The following SNTG1 variants were observed in gnomAD, a reference collection of about 807,000 sequenced individuals.
SNTG1 encodes gamma-1-syntrophin.
A neutral mutation model predicts 74.7 loss-of-function variants in SNTG1; 39 were observed. The ratio of observed to expected loss-of-function variants is 0.52; its 90% confidence interval spans 0.40 to 0.68. SNTG1 has a LOEUF of 0.68. Ranked by LOEUF, SNTG1 falls within the 30% of genes least tolerant of loss-of-function variation. SNTG1 has a pLI of 0.00. For missense variants in SNTG1, 685 were observed against 609.5 expected (o/e 1.12, Z -1.30); for synonymous variants, 254 against 217.1 (o/e 1.17, Z -1.49).
intron 9 of SNTG1, among the ~76,000 whole-genome samples, chr8:50,516,705 A>T (rs200132364): frequency 6.6e-6 from 1 of 152,210 alleles, no homozygotes; most frequent in Non-Finnish European, 1.5e-5. Context: ...GAGATTGAAG[A>T]TTAACTTAAT....
intron 1 of SNTG1, among the ~76,000 whole-genome samples, chr8:49,933,645 A>G (rs1190017737): frequency 6.6e-6 from 1 of 152,212 alleles, no homozygotes; most frequent in African/African-American, 2.4e-5. Context: ...ATTATTGGAA[A>G]TCAATTTGCT....
At chr8:50,777,050 T>C (rs2095642844) in intron 18 of SNTG1, among the ~76,000 whole-genome samples, 1 of 151,752 alleles carries the variant, frequency 6.6e-6, no homozygotes. Context: ...ATGATGTGTC[T>C]TGGCAAGGAT....
At chr8:50,422,044 C>G (rs958967764) in intron 4 of SNTG1, among the ~76,000 whole-genome samples, 2 of 152,268 alleles carry the variant, frequency 1.3e-5, no homozygotes, top group East Asian at 1.9e-4. Context: ...ATGTCACACA[C>G]TCAATCTCTC....
intron 2 of SNTG1, among the ~76,000 whole-genome samples, chr8:50,265,728 C>T (rs761845782): frequency 5.3e-5 from 8 of 151,522 alleles, no homozygotes; most frequent in Non-Finnish European, 7.4e-5. Flanking sequence ...ATCCTAGGAT[C>T]TACAAAAATT....
chr8:50,215,572 A>T (rs1013762661), intron 2 of SNTG1, among the ~76,000 whole-genome samples: 3 of 150,990 alleles, frequency 2.0e-5, no homozygotes, highest in Admixed American at 6.6e-5. Context: ...AAGTGACAAT[A>T]ATAAGGATCA....
At chr8:50,128,660 T>A (rs2081220661) in intron 1 of SNTG1, among the ~76,000 whole-genome samples, 1 of 152,076 alleles carries the variant, frequency 6.6e-6, no homozygotes, top group Non-Finnish European at 1.5e-5. Flanking sequence ...TTCTCCCACT[T>A]TAGAATAAAA....
intron 12 of SNTG1, among the ~76,000 whole-genome samples, chr8:50,576,859 AG>A (rs1272743820): frequency 6.6e-6 from 1 of 152,118 alleles, no homozygotes; most frequent in Admixed American, 6.5e-5. Context: ...TTTTGGATAA[AG>A]CTTTAGAATT....
At chr8:49,917,115 A>G (rs1480366589) in intron 1 of SNTG1, among the ~76,000 whole-genome samples, 1 of 152,148 alleles carries the variant, frequency 6.6e-6, no homozygotes, top group Non-Finnish European at 1.5e-5. Flanking sequence ...CATAGATGAG[A>G]AAAGAGTATT....
At chr8:50,383,084 C>A (rs910754775) in intron 2 of SNTG1, among the ~76,000 whole-genome samples, 1 of 152,170 alleles carries the variant, frequency 6.6e-6, no homozygotes, top group Non-Finnish European at 1.5e-5. Flanking sequence ...TAGATTAATG[C>A]GCAATTAAAT....
intron 8 of SNTG1, among the ~76,000 whole-genome samples, chr8:50,465,312 T>C (rs2093600418): frequency 6.6e-6 from 1 of 152,294 alleles, no homozygotes; most frequent in South Asian, 2.1e-4. Flanking sequence ...TTTTATCAGG[T>C]AGAGTAGAAG....
intron 9 of SNTG1, among the ~76,000 whole-genome samples, chr8:50,508,138 A>C (rs1044165867): frequency 6.6e-6 from 1 of 152,118 alleles, no homozygotes; most frequent in Non-Finnish European, 1.5e-5. Flanking sequence ...CTCACTGTTC[A>C]GTTCCTACCT....
At chr8:50,498,304 GAAGATTTATAGTGGT>G (rs1478673799) in intron 8 of SNTG1, among the ~76,000 whole-genome samples, 1 of 151,832 alleles carries the variant, frequency 6.6e-6, no homozygotes, top group East Asian at 1.9e-4. Context: ...AGACATTTCA[GAAGATTTATAGTGGT>G]ATCTCATTAT....
At chr8:50,388,182 C>A (rs1006847451) in intron 2 of SNTG1, among the ~76,000 whole-genome samples, 1 of 152,106 alleles carries the variant, frequency 6.6e-6, no homozygotes, top group African/African-American at 2.4e-5. Context: ...AGGGCATAGG[C>A]TAGTAATTTG....
At chr8:50,555,579 A>G (rs1356777153) in intron 12 of SNTG1, among the ~76,000 whole-genome samples, 1 of 152,152 alleles carries the variant, frequency 6.6e-6, no homozygotes, top group African/African-American at 2.4e-5. Flanking sequence ...TGGAAATAAC[A>G]CCTTATGGAA....
chr8:50,517,774 C>T (rs1192532115), intron 9 of SNTG1, among the ~76,000 whole-genome samples: 4 of 152,074 alleles, frequency 2.6e-5, no homozygotes, highest in Admixed American at 6.5e-5. Flanking sequence ...AATATATATG[C>T]ACCCAATATA....
At chr8:50,418,848 C>T (rs2093046436) in intron 4 of SNTG1, among the ~76,000 whole-genome samples, 1 of 152,126 alleles carries the variant, frequency 6.6e-6, no homozygotes, top group Non-Finnish European at 1.5e-5. Flanking sequence ...CATTACTCTA[C>T]TCTTTCATTG....
At chr8:50,046,725 G>T (rs1055323771) in intron 1 of SNTG1, among the ~76,000 whole-genome samples, 1 of 152,162 alleles carries the variant, frequency 6.6e-6, no homozygotes, top group African/African-American at 2.4e-5. Flanking sequence ...TTAAACAAAA[G>T]AAGTGATTTT....
chr8:50,626,241 A>G (rs2094955348), intron 13 of SNTG1, among the ~76,000 whole-genome samples: 1 of 152,176 alleles, frequency 6.6e-6, no homozygotes, highest in African/African-American at 2.4e-5. Flanking sequence ...TTTCAAAAGG[A>G]TGATGAGAAT....
chr8:50,072,914 T>TA (rs1793432679), intron 1 of SNTG1, among the ~76,000 whole-genome samples: 1 of 152,172 alleles, frequency 6.6e-6, no homozygotes, highest in Non-Finnish European at 1.5e-5. Context: ...TATTTATAAC[T>TA]AAAAAATGCT....
Sources: gnomAD v4.1 joint callset for allele counts (sites outside exome capture counted in the v4.1 genomes callset) on GRCh38, gnomAD v4.1.1 for gene constraint, MANE v1.5 for transcripts, NCBI Gene and HGNC (gene_info 2026-07-23, HGNC 2026-07-21) for gene names.